SCAPER: variants seen among roughly 807,000 people sequenced by gnomAD.
SCAPER encodes the protein S-phase cyclin A associated protein in the ER, also known as S phase cyclin A-associated protein in the endoplasmic reticulum.
Under a neutral mutation model 182.2 loss-of-function variants are expected in SCAPER, and 98 were observed. That is an observed-to-expected ratio of 0.54 (90% confidence interval 0.46 to 0.64). SCAPER has a LOEUF of 0.64. Among genes scored for constraint, SCAPER ranks in the 30% least tolerant of loss-of-function variants. The pLI, the probability that SCAPER is intolerant of heterozygous loss-of-function variation, is 0.00. For synonymous variants in SCAPER, 605 were observed against 564.6 expected, an observed-to-expected ratio of 1.07 and a Z score of -1.01; for missense variants, 1,432 against 1,690.0, an observed-to-expected ratio of 0.85 and a Z score of 2.68.
chr15:76,616,451 G>A (rs1425245956), intron 22 of SCAPER, among the ~76,000 whole-genome samples: 2 of 152,132 alleles, frequency 1.3e-5, no homozygotes, highest in Non-Finnish European at 2.9e-5. Flanking sequence ...TAGAATGGTG[G>A]TTGCCAAGTG....
At chr15:76,695,323 C>T (rs550647710) in intron 20 of SCAPER, among the ~76,000 whole-genome samples, 1 of 152,234 alleles carries the variant, frequency 6.6e-6, no homozygotes, top group African/African-American at 2.4e-5. Context: ...TGGCCAGGCA[C>T]AGTGGCTCAT....
At chr15:76,690,625 A>G (rs1408305521) in intron 20 of SCAPER, among the ~76,000 whole-genome samples, 1 of 152,180 alleles carries the variant, frequency 6.6e-6, no homozygotes, top group African/African-American at 2.4e-5. Flanking sequence ...AAATTCTACT[A>G]TCTTTACAGC....
At chr15:76,642,657 C>T (rs529560481) in intron 21 of SCAPER, among the ~76,000 whole-genome samples, 1 of 152,148 alleles carries the variant, frequency 6.6e-6, no homozygotes, top group Non-Finnish European at 1.5e-5. Flanking sequence ...TGACCCATTT[C>T]CTGATGTTAT....
At chr15:76,703,920 T>C (rs1175659020) in intron 18 of SCAPER, among the ~76,000 whole-genome samples, 2 of 152,086 alleles carry the variant, frequency 1.3e-5, no homozygotes, top group African/African-American at 4.8e-5. Flanking sequence ...TAAAATACAG[T>C]CTTCTACCTT....
chr15:76,393,949 G>A (rs1459900590), intron 27 of SCAPER, among the ~76,000 whole-genome samples: 3 of 152,190 alleles, frequency 2.0e-5, no homozygotes, highest in Admixed American at 2.0e-4. Flanking sequence ...CAAGTCTTCT[G>A]AGGCCCCAGA....
intron 25 of SCAPER, among the ~76,000 whole-genome samples, chr15:76,457,836 A>G (rs556970421): frequency 6.6e-6 from 1 of 152,328 alleles, no homozygotes; most frequent in East Asian, 1.9e-4. Flanking sequence ...AAATTTTAAA[A>G]TAAATACAGA....
chr15:76,766,946 A>G lies in SCAPER; in HGVS notation c.1391T>C (p.Ile464Thr). 1 of 1,605,814 alleles carries G rather than the reference A, an allele frequency of 6.2e-7. No homozygotes were observed. Among genetic ancestry groups the G allele is most frequent in the Non-Finnish European group, 8.5e-7 (1 of 1,177,696 alleles). ...AAAATCACTGTCGTTGTCAGTTTCA[A>G]TGTTAATATCATTGTTTTCTTCAGC... ...IEAEENNDINIETDNDSDFSA... is the reference protein window; with the variant it reads ...IEAEENNDINTETDNDSDFSA... Residue 464 changes from isoleucine (I) to threonine (T), a missense_variant, in exon 11 of 32, where the codon ATT becomes ACT. Physicochemically the swap from Ile to Thr is moderately conservative, Grantham distance 89. Coordinates refer to ENST00000563290, the MANE Select transcript of SCAPER (RefSeq NM_020843.4).
chr15:76,574,087 G>C, intron 23 of SCAPER, 71 bp downstream of exon 23: 2 of 1,480,924 alleles, frequency 1.4e-6, no homozygotes, highest in Non-Finnish European at 1.8e-6. Flanking sequence ...CTGCCTTATA[G>C]CTCTATGTAC....
intron 22 of SCAPER, among the ~76,000 whole-genome samples, chr15:76,598,910 A>C (rs1428004393): frequency 8.4e-6 from 1 of 118,728 alleles, no homozygotes; most frequent in East Asian, 2.2e-4. Context: ...TATGTTCTGC[A>C]CATTTATCCC....
intron 5 of SCAPER, among the ~76,000 whole-genome samples, chr15:76,822,126 A>T (rs2151654998): frequency 6.6e-6 from 1 of 152,330 alleles, no homozygotes; most frequent in South Asian, 2.1e-4. Flanking sequence ...AACGTATAAG[A>T]CCAAGAGCAA....
At chr15:76,789,264 C>A (rs1568143462) in intron 8 of SCAPER, among the ~76,000 whole-genome samples, 1 of 151,936 alleles carries the variant, frequency 6.6e-6, no homozygotes, top group African/African-American at 2.4e-5. Flanking sequence ...TAAGATGAAT[C>A]ATATAAAAAC....
At chr15:76,820,628 C>T (rs1352723411) in intron 5 of SCAPER, among the ~76,000 whole-genome samples, 2 of 151,550 alleles carry the variant, frequency 1.3e-5, no homozygotes, top group South Asian at 4.2e-4. Flanking sequence ...TCAGGAGATA[C>T]ACCTAATGCT....
At position 76,420,493 on chromosome 15, in the gene SCAPER, T is replaced by A. The variant is rs114933002; in HGVS notation, c.3311+13585A>T. On this transcript the variant is annotated intron_variant, in intron 26 of 31. Coordinates refer to ENST00000563290, the MANE Select transcript of SCAPER (RefSeq NM_020843.4). ...CATACAAAAATCAGTGGTATTTCCA[T>A]ACATTAATAGTGAATGATCTGAAAA... Among the ~76,000 whole-genome samples, 1,269 of 152,260 alleles carry A rather than the reference T, an allele frequency of 8.3e-3. 13 individuals are homozygous for A. Among genetic ancestry groups the A allele is most frequent in the African/African-American group, 0.029 (1,204 of 41,540 alleles).
chr15:76,711,701 T>C (rs987056540), intron 17 of SCAPER, among the ~76,000 whole-genome samples: 1 of 152,206 alleles, frequency 6.6e-6, no homozygotes, highest in African/African-American at 2.4e-5. Context: ...TGATGAGCAC[T>C]TTTTCATGTG....
chr15:76,635,676 T>A (rs1044628457), intron 21 of SCAPER, among the ~76,000 whole-genome samples: 1 of 152,180 alleles, frequency 6.6e-6, no homozygotes, highest in African/African-American at 2.4e-5. Flanking sequence ...TGCCACTGAG[T>A]ATGGCTGTCA....
intron 22 of SCAPER, among the ~76,000 whole-genome samples, chr15:76,579,347 A>G (rs1218112513): frequency 6.6e-6 from 1 of 151,842 alleles, no homozygotes; most frequent in East Asian, 1.9e-4. Context: ...AATAGAAACA[A>G]CAAAAAGTGA....
intron 21 of SCAPER, among the ~76,000 whole-genome samples, chr15:76,660,214 C>T (rs2056017213): frequency 1.3e-5 from 2 of 151,974 alleles, no homozygotes; most frequent in African/African-American, 4.8e-5. Flanking sequence ...AAGAAGGAAA[C>T]ATCAGACACT....
At chr15:76,401,209 C>T (rs2044431946) in intron 27 of SCAPER, among the ~76,000 whole-genome samples, 2 of 152,068 alleles carry the variant, frequency 1.3e-5, no homozygotes, top group Middle Eastern at 3.4e-3. Context: ...CTCATATTTC[C>T]ACTCTGAAGA....
intron 22 of SCAPER, 128 bp downstream of exon 22, chr15:76,621,636 G>C (rs1433689830): frequency 2.5e-6 from 2 of 789,906 alleles, no homozygotes; most frequent in East Asian, 5.5e-5. Flanking sequence ...ATACTACTGT[G>C]TTAAGAGAAT....
Sources: gnomAD v4.1 joint callset for allele counts (sites outside exome capture counted in the v4.1 genomes callset) on GRCh38, gnomAD v4.1.1 for gene constraint, MANE v1.5 for transcripts, NCBI Gene and HGNC (gene_info 2026-07-23, HGNC 2026-07-21) for gene names.